The following SLC30A10 variants were observed in gnomAD, a reference collection of about 807,000 sequenced individuals.
SLC30A10 encodes calcium/manganese antiporter SLC30A10.
SLC30A10 carries 8 observed loss-of-function variants against 21.7 expected under a neutral mutation model. That is an observed-to-expected ratio of 0.37 (90% CI 0.22 to 0.67). The LOEUF (loss-of-function observed/expected upper bound fraction) is 0.67, where lower values mean the gene tolerates loss of function less well. SLC30A10 is among the 30% of genes least tolerant of loss of function. SLC30A10 has a pLI of 0.58. For synonymous variants in SLC30A10, 272 were observed against 279.4 expected, an observed-to-expected ratio of 0.97 and a Z score of 0.26; for missense variants, 521 against 642.5, an observed-to-expected ratio of 0.81 and a Z score of 2.04.
intron 1 of SLC30A10, among the ~76,000 whole-genome samples, chr1:219,936,493 A>G (rs1308339787): frequency 1.3e-5 from 2 of 152,088 alleles, no homozygotes; most frequent in Non-Finnish European, 2.9e-5. Context: ...CCTTGGATAC[A>G]GAGGTAGGCA....
upstream of SLC30A10, among the ~76,000 whole-genome samples, chr1:219,929,146 C>T (rs901491644): frequency 2.0e-5 from 3 of 152,236 alleles, no homozygotes; most frequent in African/African-American, 7.2e-5. Flanking sequence ...GCTATTTAAT[C>T]CTCTCTTGTT....
Position 219,912,841 on chromosome 1 carries a change from C to G in SLC30A10, c.*2608G>C, listed in dbSNP as rs1659446131. The stretch of plus-strand genomic sequence containing the variant: ...AGAGCAAGACTCCGTCTCAAAGAAA[C>G]AAACAAACAAACCAAAAAAAAATTA... On this transcript the variant is annotated 3_prime_UTR_variant, in exon 4 of 4. Coordinates refer to ENST00000366926, the MANE Select transcript of SLC30A10 (RefSeq NM_018713.3). Among the ~76,000 whole-genome samples the G allele has an allele frequency of 1.3e-5, 1 of 75,972 alleles. No homozygotes were observed. The highest frequency in any genetic ancestry group is 1.5e-4 in the Admixed American group (1 of 6,564). 49.8% of individuals were successfully genotyped at this position (75,972 alleles called of 152,430 possible). A position where few individuals can be genotyped will look rare whatever the true frequency, so the allele number is the denominator to read the frequency against.
Position 219,918,852 on chromosome 1 carries a change from C to A in SLC30A10, c.719-358G>T, listed in dbSNP as rs1571792460. 1 of 198,708 alleles carries A rather than the reference C, an allele frequency of 5.0e-6. No homozygotes were observed. Among genetic ancestry groups the A allele is most frequent in the African/African-American group, 2.3e-5 (1 of 43,286 alleles). The allele number at this position is 198,708 out of a possible 1,614,324, so 12.3% of individuals were successfully genotyped here. ...GCAAATGATTTCTTTTTCTTTCAGA[C>A]AATCATCTGTGCTTTACGTTGTTTT... On this transcript the variant is annotated intron_variant, in intron 2 of 3. Transcript: ENST00000366926. The surrounding 1 kb of genome is among the most constrained non-coding windows in gnomAD (Gnocchi z 4.4).
At chr1:219,930,327 A>T (rs1659949409), upstream of SLC30A10, among the ~76,000 whole-genome samples, 1 of 152,118 alleles carries the variant, frequency 6.6e-6, no homozygotes, top group South Asian at 2.1e-4. Flanking sequence ...AAAATAAAAA[A>T]AATTAGCCAG....
chr1:219,936,284 C>T (rs1172961415), intron 1 of SLC30A10, among the ~76,000 whole-genome samples: 4 of 152,024 alleles, frequency 2.6e-5, no homozygotes, highest in African/African-American at 4.8e-5. Flanking sequence ...AATGAAGGTA[C>T]AAATATATAG....
Position 219,915,342 on chromosome 1 carries a change from A to G in SLC30A10, c.*107T>C. On this transcript the variant is annotated 3_prime_UTR_variant, in exon 4 of 4. Coordinates refer to ENST00000366926, the MANE Select transcript of SLC30A10 (RefSeq NM_018713.3). ...AACCCCTAGTGAACACAGAGCATGC[A>G]TGCTGCAAGTCTAGTCTGGGCCTAC... is the stretch of plus-strand genomic sequence containing the variant. The G allele has an allele frequency of 7.2e-7, 1 of 1,381,588 alleles. No individual in the cohort carries two copies. Among genetic ancestry groups the G allele is most frequent in the Non-Finnish European group, 9.9e-7 (1 of 1,007,420 alleles). 85.6% of individuals were successfully genotyped at this position (1,381,588 alleles called of 1,614,324 possible).
At chr1:219,925,654 T>A (rs1171514669) in intron 2 of SLC30A10, among the ~76,000 whole-genome samples, 1,106 of 81,648 alleles carry the variant, frequency 0.014, 3 homozygotes, top group Non-Finnish European at 0.018. Context: ...TATATATATT[T>A]TTTTTTTTTT....
chr1:219,953,078 T>C (rs567545301), intron 1 of SLC30A10, among the ~76,000 whole-genome samples: 6 of 152,174 alleles, frequency 3.9e-5, no homozygotes, highest in Non-Finnish European at 8.8e-5. Flanking sequence ...CACCGAATCC[T>C]CATGTGGAAG....
intron 1 of SLC30A10, among the ~76,000 whole-genome samples, chr1:219,941,710 C>CT (rs1660125756): frequency 2.0e-5 from 3 of 150,852 alleles, no homozygotes; most frequent in African/African-American, 7.3e-5. Flanking sequence ...CTCTCTCTCT[C>CT]CCCCTCTCCC....
At chr1:219,937,879 G>A (rs1314851549) in intron 1 of SLC30A10, among the ~76,000 whole-genome samples, 1 of 152,104 alleles carries the variant, frequency 6.6e-6, no homozygotes, top group Non-Finnish European at 1.5e-5. Context: ...GGTTTTCAGT[G>A]GTGCTTATTT....
At chr1:219,955,149 C>A (rs893028062) in intron 1 of SLC30A10, among the ~76,000 whole-genome samples, 3 of 152,294 alleles carry the variant, frequency 2.0e-5, no homozygotes, top group Non-Finnish European at 4.4e-5. Flanking sequence ...GTATCTCCTG[C>A]GATCTGGACC....
At position 219,918,749 on chromosome 1, in the gene SLC30A10, G is replaced by A. The variant is rs920693208; in HGVS notation, c.719-255C>T. The A allele has an allele frequency of 3.7e-5, 14 of 381,820 alleles. No homozygotes were observed. The highest frequency in any genetic ancestry group is 2.1e-4 in the African/African-American group (10 of 48,488). 23.7% of individuals were successfully genotyped at this position (381,820 alleles called of 1,614,324 possible). ...GAAGATTCTGACCTGCAGGAAGAGC[G>A]ACTGTGCCGTCTCACTGGGCCACAT... On this transcript the variant is annotated intron_variant, in intron 2 of 3. Transcript: ENST00000366926. This position sits in a 1 kb window ranked among gnomAD's most constrained non-coding sequence, Gnocchi z 4.4.
intron 1 of SLC30A10, among the ~76,000 whole-genome samples, chr1:219,942,018 C>A (rs1448415027): frequency 6.6e-6 from 1 of 152,208 alleles, no homozygotes; most frequent in African/African-American, 2.4e-5. Flanking sequence ...AGACTTCTTT[C>A]CTTTCTGAGT....
At chr1:219,933,092 T>C (rs1659992618), upstream of SLC30A10, among the ~76,000 whole-genome samples, 1 of 149,660 alleles carries the variant, frequency 6.7e-6, no homozygotes, top group African/African-American at 2.5e-5. Flanking sequence ...AAAAATGAGA[T>C]AGTGGTCAAT....
upstream of SLC30A10, among the ~76,000 whole-genome samples, chr1:219,959,082 G>C (rs993298257): frequency 2.0e-5 from 3 of 152,210 alleles, no homozygotes; most frequent in Non-Finnish European, 4.4e-5. Flanking sequence ...TAGGGAAGCA[G>C]CTATAGATTC....
At chr1:219,922,884 TG>T in intron 2 of SLC30A10, among the ~76,000 whole-genome samples, 1 of 152,198 alleles carries the variant, frequency 6.6e-6, no homozygotes. Flanking sequence ...ATTAAAGAGA[TG>T]AAGTTCCTTG....
intron 2 of SLC30A10, among the ~76,000 whole-genome samples, chr1:219,924,330 T>C (rs73097953): frequency 2.0e-5 from 3 of 152,184 alleles, no homozygotes; most frequent in African/African-American, 7.2e-5. Flanking sequence ...GGGCCAGAAA[T>C]GTGATGTAGG....
chr1:219,927,190 T>C (rs780863158), intron 1 of SLC30A10, 85 bp from the exon 2 acceptor site: 1 of 1,412,992 alleles, frequency 7.1e-7, no homozygotes, highest in East Asian at 2.3e-5. Flanking sequence ...TAAAGTTTTG[T>C]TATTTTAAAT....
At chr1:219,938,156 C>G (rs912370196) in intron 1 of SLC30A10, among the ~76,000 whole-genome samples, 2 of 152,044 alleles carry the variant, frequency 1.3e-5, no homozygotes, top group Non-Finnish European at 2.9e-5. Flanking sequence ...GCACTTATAT[C>G]CAAATCTGCT....
Sources: gnomAD v4.1 joint callset for allele counts (sites outside exome capture counted in the v4.1 genomes callset) on GRCh38, gnomAD v4.1.1 for gene constraint, Gnocchi (gnomAD v3.1) non-coding constraint, MANE v1.5 for transcripts, NCBI Gene and HGNC (gene_info 2026-07-23, HGNC 2026-07-21) for gene names.